Variants in SECISBP2L observed in about 807,000 individuals in gnomAD.
SECISBP2L encodes SECIS binding protein 2 like.
SECISBP2L carries 43 observed loss-of-function variants against 114.7 expected under a neutral mutation model. The ratio of observed to expected loss-of-function variants is 0.38; its 90% CI spans 0.29 to 0.48. SECISBP2L has a LOEUF of 0.48. Among genes scored for constraint, SECISBP2L ranks in the 20% least tolerant of loss-of-function variants. The pLI is 0.98. For missense variants in SECISBP2L, 1,136 were observed against 1,301.1 expected (o/e 0.87, Z 1.95); for synonymous variants, 451 against 439.7 (o/e 1.03, Z -0.32).
At chr15:49,010,103 G>A (rs1902405605) in intron 13 of SECISBP2L, among the ~76,000 whole-genome samples, 1 of 97,248 alleles carries the variant, frequency 1.0e-5, no homozygotes, top group Non-Finnish European at 2.2e-5. Context: ...CTGCACTCCA[G>A]CCTGGGCAAC....
intron 3 of SECISBP2L, among the ~76,000 whole-genome samples, chr15:49,034,519 AAAAGT>A (rs1902963891): frequency 6.6e-6 from 1 of 152,076 alleles, no homozygotes; most frequent in South Asian, 2.1e-4. Flanking sequence ...TTGTTCATAT[AAAAGT>A]AAAGCACCTC....
intron 4 of SECISBP2L, 41 bp downstream of exon 4, chr15:49,032,924 G>C: frequency 6.2e-7 from 1 of 1,601,490 alleles, no homozygotes; most frequent in Non-Finnish European, 8.5e-7. Flanking sequence ...AATGAAAACA[G>C]ATAAAAATCA....
Position 48,992,405 on chromosome 15 carries a change from C to T in SECISBP2L, c.3145G>A (p.Gly1049Arg), listed in dbSNP as rs752971549. Residue 1049 changes from glycine to arginine, a missense_variant, in exon 18 of 18, where the codon GGA (glycine) becomes AGA (arginine). Coordinates refer to ENST00000559471, the MANE Select transcript of SECISBP2L (RefSeq NM_001193489.2). ...GSEEDNVEQS[G>R]EEEAEAPEVL... ...TCAGGCGCCTCTGCTTCCTCTTCTC[C>T]ACTTTGCTCTACATTGTCTTCCTCA... 2 of 1,614,198 alleles carry T rather than the reference C, an allele frequency of 1.2e-6. No homozygotes were observed. Among genetic ancestry groups the T allele is most frequent in the Non-Finnish European group, 1.7e-6 (2 of 1,180,042 alleles).
At chr15:49,007,282 A>G (rs531293460) in intron 14 of SECISBP2L, among the ~76,000 whole-genome samples, 15 of 152,336 alleles carry the variant, frequency 9.8e-5, no homozygotes, top group African/African-American at 3.6e-4. Context: ...TCAGGGACCC[A>G]CTTGAAGAGG....
Position 49,037,617 on chromosome 15 carries a change from TG to T in SECISBP2L, c.176del (p.Pro59HisfsTer53). 1.9e-6 allele frequency: 3 copies of T among 1,613,498 alleles called. No homozygotes were observed. The highest frequency in any genetic ancestry group is 2.5e-6 in the Non-Finnish European group (3 of 1,179,828). On this transcript the variant is annotated frameshift_variant, in exon 2 of 18. Coordinates refer to ENST00000559471, the MANE Select transcript of SECISBP2L (RefSeq NM_001193489.2). LOFTEE classifies it high-confidence loss of function. ...TATTGGACTGGTTTTCCTGCACAAATGGGTAACAAGTAATCAGGTAGCTGGG... is the reference window on the plus strand; with the variant it reads ...TATTGGACTGGTTTTCCTGCACAAATGGTAACAAGTAATCAGGTAGCTGGG... ...PIPSYLITCY[P>X]FVQENQSNRQ...
intron 4 of SECISBP2L, among the ~76,000 whole-genome samples, chr15:49,031,449 T>G (rs549768462): frequency 1.2e-4 from 18 of 152,262 alleles, no homozygotes; most frequent in South Asian, 2.1e-4. Context: ...TTTTTTTAAA[T>G]TTTGTGGGTG....
At chr15:49,004,239 A>C (rs763837208) in intron 14 of SECISBP2L, among the ~76,000 whole-genome samples, 2 of 152,130 alleles carry the variant, frequency 1.3e-5, no homozygotes, top group Admixed American at 6.6e-5. Flanking sequence ...AGCTGTTTAT[A>C]GTATTCTCTG....
At chr15:49,031,350 A>G (rs1595794417) in intron 4 of SECISBP2L, among the ~76,000 whole-genome samples, 2 of 152,116 alleles carry the variant, frequency 1.3e-5, no homozygotes, top group South Asian at 4.1e-4. Flanking sequence ...CGCTCAGCCT[A>G]TTCTTACCAT....
At chr15:49,029,966 T>C (rs1281975848) in intron 4 of SECISBP2L, among the ~76,000 whole-genome samples, 1 of 151,802 alleles carries the variant, frequency 6.6e-6, no homozygotes, top group Non-Finnish European at 1.5e-5. Context: ...ATATTACTTT[T>C]GAATTATCTG....
intron 1 of SECISBP2L, among the ~76,000 whole-genome samples, chr15:49,038,606 C>A (rs1903060313): frequency 6.6e-6 from 1 of 152,070 alleles, no homozygotes; most frequent in African/African-American, 2.4e-5. Context: ...TATATCCTAA[C>A]CAGGATAAAA....
Position 49,035,683 on chromosome 15 carries a change from C to T in SECISBP2L, c.204-25G>A, listed in dbSNP as rs376733586. The T allele has an allele frequency of 2.5e-6, 4 of 1,579,582 alleles. No individual in the cohort carries two copies. The Admixed American group carries it at 5.4e-5, about 21-fold the overall frequency. ...TCTGCAAAACCAAATCAAAGAAGAA[C>T]AAATCTATTGACAAGTCTAAAAATA... On this transcript the variant is annotated intron_variant, in intron 2 of 17. Coordinates refer to ENST00000559471, the MANE Select transcript of SECISBP2L (RefSeq NM_001193489.2).
chr15:49,024,961 A>G (rs1282030986), intron 7 of SECISBP2L, among the ~76,000 whole-genome samples: 1 of 152,196 alleles, frequency 6.6e-6, no homozygotes, highest in African/African-American at 2.4e-5. Flanking sequence ...AGAAAGAGAT[A>G]AAATGTTTTT....
At chr15:49,010,153 A>ACACACACACACACACACACACACCCC (rs1190593953) in intron 13 of SECISBP2L, among the ~76,000 whole-genome samples, 1 of 147,382 alleles carries the variant, frequency 6.8e-6, no homozygotes, top group African/African-American at 2.5e-5. Flanking sequence ...ACACACACAC[A>ACACACACACACACACACACACACCCC]CCCCTCTTGC....
At chr15:49,033,615 T>C (rs1191318070) in intron 3 of SECISBP2L, among the ~76,000 whole-genome samples, 1 of 151,982 alleles carries the variant, frequency 6.6e-6, no homozygotes, top group Non-Finnish European at 1.5e-5. Context: ...GGCTGAAAGA[T>C]CACTTGAGGT....
At chr15:49,019,934 T>G (rs192885828) in intron 7 of SECISBP2L, among the ~76,000 whole-genome samples, 1 of 152,058 alleles carries the variant, frequency 6.6e-6, no homozygotes, top group Admixed American at 6.5e-5. Context: ...ATTGATAAAC[T>G]CAACAACCAG....
chr15:49,043,337 G>A (rs981016369), intron 1 of SECISBP2L, among the ~76,000 whole-genome samples: 11 of 152,086 alleles, frequency 7.2e-5, no homozygotes, highest in East Asian at 1.9e-4. Context: ...GAAATCATAC[G>A]TATTCATTAG....
In SECISBP2L at chr15:49,028,555, A is replaced by G; in HGVS notation, c.792T>C (p.Ser264=). 2 of 1,614,168 alleles carry G rather than the reference A, an allele frequency of 1.2e-6. No individual in the cohort carries two copies. Among genetic ancestry groups the G allele is most frequent in the Non-Finnish European group, 1.7e-6 (2 of 1,180,016 alleles). ...CACTATCACTGTCAATGTCGGCTTC[A>G]CTAGCCCCCTGCTCACTAGAAGATT... ...TAESSSEQGA[S]EADIDSDSGY... The change falls in exon 5 of 18, where the codon AGT becomes AGC. Residue 264 remains serine (S), a synonymous_variant. Transcript: ENST00000559471.
intron 14 of SECISBP2L, among the ~76,000 whole-genome samples, chr15:49,004,184 A>G (rs1226406414): frequency 6.6e-6 from 1 of 152,230 alleles, no homozygotes; most frequent in Non-Finnish European, 1.5e-5. Context: ...GTATGTGTCC[A>G]GGAATTTATC....
rs1902462860 is a variant in SECISBP2L at position 49,012,784 on chromosome 15, G to A, written c.1595C>T (p.Ser532Phe). The change falls in exon 12 of 18, where the codon TCT becomes TTT. Residue 532 changes from serine to phenylalanine, a missense_variant. Physicochemically the swap from Ser to Phe is radical, Grantham distance 155. This residue lies in a region of SECISBP2L where 684 missense variants were observed against 848.7 expected (regional missense o/e 0.81). Transcript: ENST00000559471. ...VTAASFHTKD[S>F]TNRKPLTKSQ... ...TTTGGTTAAAGGTTTTCTATTAGTA[G>A]AGTCTTTAGTGTGAAAAGAAGCTGC... The A allele has an allele frequency of 1.9e-6, 3 of 1,613,206 alleles. No individual in the cohort carries two copies. Among genetic ancestry groups the A allele is most frequent in the African/African-American group, 2.7e-5 (2 of 74,960 alleles).
Sources: gnomAD v4.1 joint callset for allele counts (sites outside exome capture counted in the v4.1 genomes callset) on GRCh38, gnomAD v4.1.1 for gene constraint, gnomAD v4.1.1 regional missense constraint, MANE v1.5 for transcripts, NCBI Gene and HGNC (gene_info 2026-07-23, HGNC 2026-07-21) for gene names.